Variants in EXOC6B observed in about 807,000 individuals in gnomAD.
The protein encoded by EXOC6B is exocyst complex component 6B.
In EXOC6B, 54 loss-of-function variants were observed where a neutral mutation model predicts 113.5. The ratio of observed to expected loss-of-function variants is 0.48; its 90% CI spans 0.38 to 0.60. The LOEUF (loss-of-function observed/expected upper bound fraction) is 0.60. Among genes scored for constraint, EXOC6B ranks in the 20% least tolerant of loss-of-function variants. The probability of loss-of-function intolerance (pLI) is 0.00; values close to 1 mark genes in which losing one functional copy is unlikely to be tolerated. For synonymous variants in EXOC6B, 357 were observed against 339.0 expected (o/e 1.05, Z -0.58); for missense variants, 797 against 977.5 (o/e 0.82, Z 2.46).
intron 20 of EXOC6B, among the ~76,000 whole-genome samples, chr2:72,330,752 T>C (rs1387407698): frequency 6.6e-6 from 1 of 152,122 alleles, no homozygotes; most frequent in African/African-American, 2.4e-5. Context: ...GAATTTGGAC[T>C]GGACTTGTGA....
At chr2:72,755,683 G>A (rs187078020) in intron 1 of EXOC6B, among the ~76,000 whole-genome samples, 40 of 152,314 alleles carry the variant, frequency 2.6e-4, no homozygotes, top group African/African-American at 1.4e-4. Context: ...ATTGTAGGAG[G>A]AGAGTAGTGT....
rs376470101 is a variant in EXOC6B at position 72,365,432 on chromosome 2, A to G, written c.2122+14297T>C. On this transcript the variant is annotated intron_variant, in intron 19 of 21. Transcript: ENST00000272427. ...AGAGGTAATGCAGAATTATGATCCC[A>G]CAGACATAATGATACTGAGAGCAGG... Among the ~76,000 whole-genome samples the G allele has an allele frequency of 1.4e-4, 22 of 152,260 alleles. 2 individuals are homozygous for G. The highest frequency in any genetic ancestry group is 4.6e-4 in the African/African-American group (19 of 41,560).
At chr2:72,190,733 T>C (rs566771169) in intron 20 of EXOC6B, among the ~76,000 whole-genome samples, 1 of 152,346 alleles carries the variant, frequency 6.6e-6, no homozygotes, top group South Asian at 2.1e-4. Flanking sequence ...TGTTTTGTCA[T>C]GTAATGGTGT....
intron 17 of EXOC6B, among the ~76,000 whole-genome samples, chr2:72,475,736 C>T (rs645489): frequency 0.11 from 17,244 of 152,192 alleles, 1,055 homozygotes; most frequent in African/African-American, 0.16. Context: ...AGGGCAGTGC[C>T]ACCTTCAGTA....
chr2:72,536,133 T>C (rs1186123534), intron 8 of EXOC6B, among the ~76,000 whole-genome samples: 1 of 152,200 alleles, frequency 6.6e-6, no homozygotes, highest in Admixed American at 6.5e-5. Context: ...GCATGCAGTC[T>C]TGCTATTTTT....
chr2:72,373,126 G>A (rs867657461), intron 19 of EXOC6B, among the ~76,000 whole-genome samples: 20 of 148,580 alleles, frequency 1.3e-4, no homozygotes, highest in African/African-American at 4.7e-4. Context: ...GTGCAATGGC[G>A]CACGCAGTCT....
At chr2:72,455,315 G>C (rs780199871) in intron 18 of EXOC6B, among the ~76,000 whole-genome samples, 1 of 152,114 alleles carries the variant, frequency 6.6e-6, no homozygotes, top group Non-Finnish European at 1.5e-5. Flanking sequence ...CCACTTATTG[G>C]TATATTTCCC....
intron 18 of EXOC6B, among the ~76,000 whole-genome samples, chr2:72,380,108 GC>G (rs1456356310): frequency 2.0e-5 from 3 of 152,060 alleles, no homozygotes; most frequent in African/African-American, 7.2e-5. Context: ...AATTCACAAA[GC>G]CCAGTTATTT....
chr2:72,695,026 TTA>T (rs1030723856), intron 6 of EXOC6B, among the ~76,000 whole-genome samples: 15 of 152,146 alleles, frequency 9.9e-5, no homozygotes, highest in Admixed American at 4.6e-4. Context: ...CCACAAGCAA[TTA>T]TCTTTCACCT....
chr2:72,454,450 A>G (rs1238927615), intron 18 of EXOC6B, among the ~76,000 whole-genome samples: 1 of 152,138 alleles, frequency 6.6e-6, no homozygotes, highest in Non-Finnish European at 1.5e-5. Flanking sequence ...GGCTGCAGTG[A>G]GCTGTTATCA....
In EXOC6B at chr2:72,730,577, GAGACACACAC is replaced by G. The variant is rs1170718983; in HGVS notation, c.464+420_464+429del. Among the ~76,000 whole-genome samples the G allele has an allele frequency of 2.2e-3, 155 of 69,690 alleles. 1 individual carries two copies. Among genetic ancestry groups the G allele is most frequent in the African/African-American group, 8.6e-3 (152 of 17,702 alleles). 45.7% of individuals were successfully genotyped at this position (69,690 alleles called of 152,430 possible). ...TCCCTCTCCAGTAGGTAAACAGACA[GAGACACACAC>G]ACACACACACACACACACACACACA... is the stretch of plus-strand genomic sequence containing the variant. On this transcript the variant is annotated intron_variant, in intron 5 of 21. Coordinates refer to ENST00000272427, the MANE Select transcript of EXOC6B (RefSeq NM_015189.3).
intron 6 of EXOC6B, among the ~76,000 whole-genome samples, chr2:72,622,566 C>T (rs1001041247): frequency 6.6e-6 from 1 of 151,920 alleles, no homozygotes; most frequent in African/African-American, 2.4e-5. Context: ...AAAAATTAGC[C>T]AGGTGTGGTG....
intron 6 of EXOC6B, among the ~76,000 whole-genome samples, chr2:72,610,501 T>C (rs1053114338): frequency 1.3e-5 from 2 of 152,146 alleles, no homozygotes; most frequent in African/African-American, 4.8e-5. Context: ...GCTGAAAATA[T>C]AAAAATATGG....
chr2:72,424,177 T>A (rs982666358), intron 18 of EXOC6B, among the ~76,000 whole-genome samples: 1 of 152,194 alleles, frequency 6.6e-6, no homozygotes, highest in African/African-American at 2.4e-5. Context: ...TATTACACAA[T>A]TCTTGATAAT....
At chr2:72,412,423 G>A (rs1694243445) in intron 18 of EXOC6B, among the ~76,000 whole-genome samples, 1 of 152,192 alleles carries the variant, frequency 6.6e-6, no homozygotes. Context: ...CATAGTCATT[G>A]CAAGTCATAG....
chr2:72,459,302 G>A (rs1196944357), intron 18 of EXOC6B, among the ~76,000 whole-genome samples: 3 of 152,162 alleles, frequency 2.0e-5, no homozygotes, highest in African/African-American at 4.8e-5. Flanking sequence ...CACAAGACAG[G>A]GATGCCCTCT....
At chr2:72,613,891 A>G (rs543029912) in intron 6 of EXOC6B, among the ~76,000 whole-genome samples, 1 of 152,306 alleles carries the variant, frequency 6.6e-6, no homozygotes, top group Admixed American at 6.5e-5. Flanking sequence ...TCCTTAAATG[A>G]TTGAAAATAA....
At chr2:72,711,833 C>T (rs931013150) in intron 6 of EXOC6B, among the ~76,000 whole-genome samples, 4 of 152,002 alleles carry the variant, frequency 2.6e-5, no homozygotes, top group African/African-American at 7.3e-5. Flanking sequence ...ATACGCTGGA[C>T]CAAGGGGTGA....
At chr2:72,547,292 G>C (rs887708483) in intron 8 of EXOC6B, among the ~76,000 whole-genome samples, 4 of 152,150 alleles carry the variant, frequency 2.6e-5, no homozygotes, top group African/African-American at 7.2e-5. Flanking sequence ...ATAATACTGG[G>C]GGATTGCTAA....
Sources: allele counts gnomAD v4.1 joint callset (sites outside exome capture counted in the v4.1 genomes callset), GRCh38; gene constraint gnomAD v4.1.1; transcripts MANE v1.5; gene names NCBI Gene and HGNC (gene_info 2026-07-23, HGNC 2026-07-21).